PCDH11X: variants seen among roughly 807,000 people sequenced by gnomAD.
The protein encoded by PCDH11X is protocadherin 11 X-linked, also known as protocadherin-11 X-linked.
A neutral mutation model predicts 53.3 loss-of-function variants in PCDH11X; 18 were observed. The ratio of observed to expected loss-of-function variants is 0.34; its 90% CI spans 0.23 to 0.50. The LOEUF (loss-of-function observed/expected upper bound fraction) is 0.50. Among genes scored for constraint, PCDH11X ranks in the 20% least tolerant of loss-of-function variants. PCDH11X has a pLI of 0.98. For synonymous variants in PCDH11X, 279 were observed against 393.3 expected, an observed-to-expected ratio of 0.71 and a Z score of 3.44; for missense variants, 570 against 1,032.4, an observed-to-expected ratio of 0.55 and a Z score of 6.14.
chrX:91,781,899 C>A (rs1457268451), intron 1 of PCDH11X, among the ~76,000 whole-genome samples: 1 of 112,628 alleles, frequency 8.9e-6, no homozygotes, highest in African/African-American at 3.2e-5. Flanking sequence ...CGACAGTTCC[C>A]AAAAGCTGAG....
At chrX:91,812,499 C>A (rs1166947854) in intron 4 of PCDH11X, among the ~76,000 whole-genome samples, 1 of 110,775 alleles carries the variant, frequency 9.0e-6, no homozygotes, top group Non-Finnish European at 1.9e-5. Context: ...TCATTGAAGT[C>A]ATTCTCAGTT....
At chrX:91,977,954 C>G (rs1382017857) in intron 6 of PCDH11X, among the ~76,000 whole-genome samples, 2 of 111,224 alleles carry the variant, frequency 1.8e-5, no homozygotes, top group African/African-American at 6.5e-5. Context: ...GTAAATTCTC[C>G]CTGTCCAAAT....
intron 10 of PCDH11X, among the ~76,000 whole-genome samples, chrX:92,493,947 G>A (rs976906343): frequency 3.7e-5 from 4 of 109,134 alleles, no homozygotes; most frequent in Non-Finnish European, 7.6e-5. Context: ...ACACCCGGCT[G>A]CTCCGTTAAT....
At chrX:92,271,532 A>T (rs1405940519) in intron 8 of PCDH11X, among the ~76,000 whole-genome samples, 1 of 112,150 alleles carries the variant, frequency 8.9e-6, no homozygotes, top group Non-Finnish European at 1.9e-5. Flanking sequence ...AGAGAACCTC[A>T]TTAGTTACTT....
intron 7 of PCDH11X, among the ~76,000 whole-genome samples, chrX:92,258,627 A>G (rs2067649304): frequency 9.0e-6 from 1 of 111,457 alleles, no homozygotes; most frequent in African/African-American, 3.3e-5. Flanking sequence ...TCGGCCTCCC[A>G]AAGTGCTGGG....
chrX:92,078,412 G>A (rs2063807746), intron 6 of PCDH11X, among the ~76,000 whole-genome samples: 2 of 111,185 alleles, frequency 1.8e-5, no homozygotes, highest in Non-Finnish European at 3.8e-5. Context: ...AACATTAGAT[G>A]TGTGTATACA....
intron 10 of PCDH11X, among the ~76,000 whole-genome samples, chrX:92,511,261 G>A (rs1266431068): frequency 3.6e-5 from 4 of 111,601 alleles, no homozygotes; most frequent in Admixed American, 9.6e-5. Context: ...TTGACTCCAG[G>A]AAGAGACAGT....
intron 6 of PCDH11X, among the ~76,000 whole-genome samples, chrX:91,987,546 T>C (rs1429729179): frequency 9.0e-6 from 1 of 111,692 alleles, no homozygotes; most frequent in Non-Finnish European, 1.9e-5. Flanking sequence ...CAGGTTGGTA[T>C]TTTTTAAAGT....
chrX:92,262,644 C>T (rs2067741710), intron 7 of PCDH11X, among the ~76,000 whole-genome samples: 1 of 111,515 alleles, frequency 9.0e-6, no homozygotes, highest in South Asian at 3.7e-4. Flanking sequence ...GCTGTATAAA[C>T]ATCTCTTATG....
chrX:92,247,090 A>G (rs181735798), intron 7 of PCDH11X, among the ~76,000 whole-genome samples: 104 of 112,054 alleles, frequency 9.3e-4, no homozygotes, highest in African/African-American at 2.8e-3. Context: ...TTCAGCTTCT[A>G]AACTATGAGT....
At position 92,437,113 on chromosome X, in the gene PCDH11X, C is replaced by T. The variant is rs1406902124; in HGVS notation, c.3344-31186C>T. ...CTGTATCAAAACATCTCATGTATCC[C>T]ATAAATATATACACCTACTCTGTAC... On this transcript the variant is annotated intron_variant, in intron 9 of 10. Transcript: ENST00000682573. Among the ~76,000 whole-genome samples, 4 of 110,518 alleles carry T rather than the reference C, an allele frequency of 3.6e-5. No individual in the cohort carries two copies. The East Asian group carries it at 8.5e-4, about 24-fold the overall frequency.
chrX:91,935,409 T>C (rs1432428078), intron 6 of PCDH11X, among the ~76,000 whole-genome samples: 1 of 110,811 alleles, frequency 9.0e-6, no homozygotes, highest in Non-Finnish European at 1.9e-5. Context: ...TATTGTCATT[T>C]ATCTTAAAGA....
At position 92,174,675 on chromosome X, in the gene PCDH11X, C is replaced by T. The variant is rs1029718727; in HGVS notation, c.3034-26700C>T. Among the ~76,000 whole-genome samples, 8 of 111,568 alleles carry T rather than the reference C, an allele frequency of 7.2e-5. No homozygotes were observed. In the East Asian group the frequency reaches 2.0e-3, roughly 27 times the overall value. On this transcript the variant is annotated intron_variant, in intron 6 of 10. Coordinates refer to ENST00000682573, the MANE Select transcript of PCDH11X (RefSeq NM_032968.5). ...GGAATGGCAGCTCTGATAACGTCCG[C>T]TAAATGTAGGACAATTACAATGTAC...
intron 8 of PCDH11X, among the ~76,000 whole-genome samples, chrX:92,296,331 ATTATT>A (rs944548526): frequency 1.7e-4 from 19 of 110,263 alleles, no homozygotes; most frequent in African/African-American, 5.7e-4. Context: ...AAATATACAG[ATTATT>A]TTATCACCCA....
At chrX:91,852,266 C>T (rs1407361833) in intron 5 of PCDH11X, among the ~76,000 whole-genome samples, 4 of 110,362 alleles carry the variant, frequency 3.6e-5, no homozygotes, top group Non-Finnish European at 5.7e-5. Flanking sequence ...CCTCCCGCCT[C>T]GGCCTCCCAA....
intron 8 of PCDH11X, among the ~76,000 whole-genome samples, chrX:92,347,733 T>C (rs1040817301): frequency 1.8e-5 from 2 of 111,868 alleles, no homozygotes; most frequent in African/African-American, 6.5e-5. Context: ...TAAAACTACA[T>C]TGGAGCAAAG....
chrX:92,131,436 G>A lies in PCDH11X; in HGVS notation c.3034-69939G>A, dbSNP rs765610702. On this transcript the variant is annotated intron_variant, in intron 6 of 10. Transcript: ENST00000682573. ...GAGGAAATAACTTAATTTTGTTCCCGGACCAAACTGAGGGTCGGGCTGCTA... is the reference window on the plus strand; with the variant it reads ...GAGGAAATAACTTAATTTTGTTCCCAGACCAAACTGAGGGTCGGGCTGCTA... 1.2e-3 allele frequency among the ~76,000 whole-genome samples: 132 copies of A among 111,058 alleles called. 1 individual carries two copies. The highest frequency in any genetic ancestry group is 4.2e-3 in the African/African-American group (127 of 30,573).
At chrX:91,883,565 G>T (rs1326224066) in intron 6 of PCDH11X, 158 of 709,084 alleles carry the variant, frequency 2.2e-4, no homozygotes, top group Non-Finnish European at 2.6e-4. Flanking sequence ...CAGCACTTTG[G>T]GAGGCCGAGG....
intron 10 of PCDH11X, among the ~76,000 whole-genome samples, chrX:92,584,858 A>G (rs747460430): frequency 4.0e-5 from 4 of 99,378 alleles, no homozygotes; most frequent in African/African-American, 1.5e-4. Flanking sequence ...TAATGGCACA[A>G]TCAGGGCTCA....
Sources: gnomAD v4.1 joint callset for allele counts (sites outside exome capture counted in the v4.1 genomes callset) on GRCh38, gnomAD v4.1.1 for gene constraint, MANE v1.5 for transcripts, NCBI Gene and HGNC (gene_info 2026-07-23, HGNC 2026-07-21) for gene names.